UBR4: variants seen among roughly 807,000 people sequenced by gnomAD.
The protein encoded by UBR4 is ubiquitin protein ligase E3 component n-recognin 4, also known as E3 ubiquitin-protein ligase UBR4.
UBR4 carries 124 observed loss-of-function variants against 575.6 expected under a neutral mutation model. The observed-to-expected ratio is 0.22, with a 90% CI of 0.19 to 0.25. The LOEUF (loss-of-function observed/expected upper bound fraction) is 0.25. UBR4 is among the 10% of genes least tolerant of loss of function. The pLI is 1.00. For missense variants in UBR4, 4,818 were observed against 6,478.8 expected (o/e 0.74, Z 8.80); for synonymous variants, 2,455 against 2,473.7 (o/e 0.99, Z 0.22).
chr1:19,086,015 A>G, intron 101 of UBR4, 130 bp downstream of exon 101: 2 of 1,376,722 alleles, frequency 1.5e-6, no homozygotes, highest in Non-Finnish European at 1.9e-6. Context: ...CCAGTCAGCA[A>G]GCAGACAGAC....
At chr1:19,156,480 T>C in intron 41 of UBR4, 57 bp from the exon 42 acceptor site, 1 of 1,582,904 alleles carries the variant, frequency 6.3e-7, no homozygotes. Context: ...GTGGGCTAAT[T>C]CATTTCAGAG....
Position 19,074,861 on chromosome 1 carries a change from G to A in UBR4, c.15523C>T (p.Leu5175=). The A allele has an allele frequency of 6.2e-7, 1 of 1,614,128 alleles. No individual in the cohort carries two copies. Residue 5175 remains leucine (L), a synonymous_variant, in exon 106 of 106, where the codon CTG becomes TTG. Coordinates refer to ENST00000375254, the MANE Select transcript of UBR4 (RefSeq NM_020765.3). The stretch of plus-strand genomic sequence containing the variant: ...GGGACTGAGTTCAACAGGTCCTTCA[G>A]GAAGCTCTCTGGATCGGTGATTTCT... ...LSEITDPESF[L]KDLLNSVP
Position 19,164,938 on chromosome 1 carries a change from A to T in UBR4, c.4372T>A (p.Cys1458Ser). 15 of 1,614,212 alleles carry T rather than the reference A, an allele frequency of 9.3e-6. No homozygotes were observed. The highest frequency in any genetic ancestry group is 1.1e-5 in the Non-Finnish European group (13 of 1,180,030). The part of the protein sequence containing the change: ...HLCGSLAQLA[C>S]VEPVRLQAWL... ...GCCTGCAGGCGCACAGGTTCCACAC[A>T]GGCCAGTTGTGCCAGGGAGCCACAG... is the stretch of plus-strand genomic sequence containing the variant. The change falls in exon 32 of 106, where the codon TGT becomes AGT. Residue 1458 changes from cysteine to serine, a missense_variant. Physicochemically the swap from Cys to Ser is moderately radical, Grantham distance 112. Coordinates refer to ENST00000375254, the MANE Select transcript of UBR4 (RefSeq NM_020765.3).
chr1:19,086,005 C>T, intron 101 of UBR4, 140 bp downstream of exon 101: 3 of 1,326,162 alleles, frequency 2.3e-6, no homozygotes, highest in Middle Eastern at 2.0e-4. Context: ...GGACAGCTCC[C>T]CAGTCAGCAA....
In UBR4 at chr1:19,104,549, A is replaced by C. The variant is rs767339890; in HGVS notation, c.12727+36T>G. On this transcript the variant is annotated intron_variant, in intron 86 of 105. Coordinates refer to ENST00000375254, the MANE Select transcript of UBR4 (RefSeq NM_020765.3). ...CTAAGGGTTGTCCCTAAACAGATTC[A>C]GGATGCCCTAAAGGAAGGTCCAGGT... The C allele has an allele frequency of 5.0e-6, 8 of 1,609,106 alleles. No homozygotes were observed. The South Asian group carries it at 8.8e-5, about 18-fold the overall frequency.
At chr1:19,173,770 C>T in intron 22 of UBR4, 149 bp from the exon 23 acceptor site, 4 of 744,076 alleles carry the variant, frequency 5.4e-6, no homozygotes, top group South Asian at 1.9e-5. Context: ...GTCCATTCTC[C>T]AGATCTTTCT....
rs1218562800 is a variant in UBR4 at position 19,099,677 on chromosome 1, G to C, written c.13222C>G (p.Leu4408Val). The C allele has an allele frequency of 6.2e-7, 1 of 1,611,640 alleles. No individual in the cohort carries two copies. Among genetic ancestry groups the C allele is most frequent in the Non-Finnish European group, 8.5e-7 (1 of 1,179,048 alleles). ...CTAATGATTTTATTGTTCACTAGAA[G>C]CTGAACAGAAAAGCAGGTGAAGCTG... ...ALLEDDSGME[L>V]LVNNKIISLD... Residue 4408 changes from leucine (L) to valine (V), a missense_variant and splice_region_variant, in exon 90 of 106, where the codon CTT becomes GTT. Physicochemically the swap from Leu to Val is conservative, Grantham distance 32. Around this residue, in one of 29 missense-constraint regions of UBR4, gnomAD observed 0 missense variants for 19.8 expected, o/e 0.00. Transcript: ENST00000375254.
chr1:19,170,983 C>G, intron 25 of UBR4, 100 bp from the exon 26 acceptor site: 1 of 1,532,710 alleles, frequency 6.5e-7, no homozygotes, highest in Non-Finnish European at 8.9e-7. Context: ...ATCTCAGTTT[C>G]CTATCTATTT....
rs201436464 is a variant in UBR4 at position 19,148,571 on chromosome 1, T to A, written c.7486A>T (p.Ile2496Phe). The A allele has an allele frequency of 6.2e-7, 1 of 1,614,130 alleles. No homozygotes were observed. The highest frequency in any genetic ancestry group is 8.5e-7 in the Non-Finnish European group (1 of 1,180,032). Reference sequence around the variant, plus strand: ...TTGAAAAAGTGACTTGCCTTCTCGATGATTGGGCCAACGGCAAAGCAGCTT... The same window carrying A: ...TTGAAAAAGTGACTTGCCTTCTCGAAGATTGGGCCAACGGCAAAGCAGCTT... ...LESCFAVGPI[I>F]EKERNKNAAQ... The change falls in exon 50 of 106, where the codon ATC becomes TTC. Residue 2496 changes from isoleucine to phenylalanine, a missense_variant. Ile to Phe is a conservative substitution (Grantham distance 21). Around this residue, in one of 29 missense-constraint regions of UBR4, gnomAD observed 340 missense variants for 375.4 expected, o/e 0.91. Coordinates refer to ENST00000375254, the MANE Select transcript of UBR4 (RefSeq NM_020765.3).
Position 19,093,797 on chromosome 1 carries a change from A to T in UBR4, c.13937+152T>A. 1.1e-6 allele frequency: 1 copy of T among 904,040 alleles called. No homozygotes were observed. Among genetic ancestry groups the T allele is most frequent in the South Asian group, 1.8e-5 (1 of 55,194 alleles). 56.0% of individuals were successfully genotyped at this position (904,040 alleles called of 1,614,324 possible). ...TACTCTAATACAGTATATTTTAACT[A>T]TTCACTTCCCAACTAGACTGAGCTC... On this transcript the variant is annotated intron_variant, in intron 95 of 105. Coordinates refer to ENST00000375254, the MANE Select transcript of UBR4 (RefSeq NM_020765.3). This position sits in a 1 kb window ranked among gnomAD's most constrained non-coding sequence, Gnocchi z 4.8.
At chr1:19,123,384 G>A (rs1314401886) in intron 65 of UBR4, among the ~76,000 whole-genome samples, 1 of 151,242 alleles carries the variant, frequency 6.6e-6, no homozygotes, top group African/African-American at 2.4e-5. Flanking sequence ...CCAGAGGGCG[G>A]AGGTTGCAGT....
In UBR4 at chr1:19,210,113, T is replaced by C; in HGVS notation, c.136A>G (p.Met46Val). 3.2e-6 allele frequency: 5 copies of C among 1,584,814 alleles called. No individual in the cohort carries two copies. Among genetic ancestry groups the C allele is most frequent in the Non-Finnish European group, 4.3e-6 (5 of 1,168,328 alleles). Residue 46 changes from methionine to valine, a missense_variant, in exon 1 of 106, where the codon ATG (methionine) becomes GTG (valine). Met to Val is a conservative substitution (Grantham distance 21). Coordinates refer to ENST00000375254, the MANE Select transcript of UBR4 (RefSeq NM_020765.3). ...LLSASYSAFE[M>V]KELPQLVASV... ...GCCACCAGCTGCGGCAACTCCTTCA[T>C]CTCGAAGGCGGAGTAGGACGCGGAC...
chr1:19,174,013 A>G (rs1394578496), intron 22 of UBR4, among the ~76,000 whole-genome samples: 2 of 152,236 alleles, frequency 1.3e-5, no homozygotes, highest in Non-Finnish European at 2.9e-5. Flanking sequence ...GAGCCATGGA[A>G]AAATCTCAAG....
intron 35 of UBR4, among the ~76,000 whole-genome samples, 156 bp downstream of exon 35, chr1:19,162,264 C>G (rs965965752): frequency 4.6e-5 from 7 of 152,220 alleles, no homozygotes; most frequent in African/African-American, 1.7e-4. Context: ...GATCCCCATG[C>G]CTTGCTCTGA....
In UBR4 at chr1:19,114,884, C is replaced by A; in HGVS notation, c.11129G>T (p.Arg3710Leu). 1.2e-6 allele frequency: 2 copies of A among 1,614,186 alleles called. No individual in the cohort carries two copies. The highest frequency in any genetic ancestry group is 1.7e-6 in the Non-Finnish European group (2 of 1,180,046). Residue 3710 changes from arginine to leucine, a missense_variant, in exon 75 of 106, where the codon CGC becomes CTC. Arg to Leu is a moderately radical substitution (Grantham distance 102). Transcript: ENST00000375254. Reference protein sequence around the residue: ...CNACGFCKYARFDFMLYAKPC... With the variant: ...CNACGFCKYALFDFMLYAKPC... ...CTTGGCATAGAGCATGAAGTCGAAG[C>A]GGGCATATTTACAGAAGCCACAGGC...
In UBR4 at chr1:19,093,332, G is replaced by A; in HGVS notation, c.14092C>T (p.His4698Tyr). 1 of 1,613,914 alleles carries A rather than the reference G, an allele frequency of 6.2e-7. No homozygotes were observed. Among genetic ancestry groups the A allele is most frequent in the African/African-American group, 1.3e-5 (1 of 75,052 alleles). The stretch of plus-strand genomic sequence containing the variant: ...TCATACTTCTTGGCGCTAGGGATGT[G>A]CTTTTTCATGTAGTCAAGTGCATTC... ...TQNALDYMKK[H>Y]IPSAKNLDAD... The change falls in exon 96 of 106, where the codon CAC becomes TAC. Residue 4698 changes from histidine (H) to tyrosine (Y), a missense_variant. By Grantham distance (83) the His-to-Tyr change is moderately conservative. Around this residue, in one of 29 missense-constraint regions of UBR4, gnomAD observed 39 missense variants for 37.5 expected, o/e 1.04. Coordinates refer to ENST00000375254, the MANE Select transcript of UBR4 (RefSeq NM_020765.3). The surrounding 1 kb of genome is among the most constrained non-coding windows in gnomAD (Gnocchi z 4.8).
chr1:19,173,041 A>G lies in UBR4; in HGVS notation c.3344T>C (p.Ile1115Thr), dbSNP rs1364112731. The G allele has an allele frequency of 1.9e-6, 3 of 1,613,942 alleles. No homozygotes were observed. Among genetic ancestry groups the G allele is most frequent in the African/African-American group, 1.3e-5 (1 of 74,946 alleles). Reference sequence around the variant, plus strand: ...GGTGTAGATGGACTGCAGACTGGGAATTTCATGCAGCTGCAAGATGGTGGT... The same window carrying G: ...GGTGTAGATGGACTGCAGACTGGGAGTTTCATGCAGCTGCAAGATGGTGGT... ...DCTTILQLHEIPSLQSIYTLD... is the reference protein window; with the variant it reads ...DCTTILQLHETPSLQSIYTLD... Residue 1115 changes from isoleucine to threonine, a missense_variant, in exon 25 of 106, where the codon ATT becomes ACT. By Grantham distance (89) the Ile-to-Thr change is moderately conservative. Transcript: ENST00000375254.
rs762791068 is a variant in UBR4 at position 19,185,141 on chromosome 1, A to G, written c.1896T>C (p.Gly632=). 54 of 1,613,932 alleles carry G rather than the reference A, an allele frequency of 3.3e-5. No homozygotes were observed. Among genetic ancestry groups the G allele is most frequent in the Non-Finnish European group, 4.6e-5 (54 of 1,180,022 alleles). ...GACTCGCCAGAATGTTGCCCTTCTCACCAGGGGCCTGCTTACTGGGGCTTT... is the reference window on the plus strand; with the variant it reads ...GACTCGCCAGAATGTTGCCCTTCTCGCCAGGGGCCTGCTTACTGGGGCTTT... ...RVKSPSKQAP[G]EKGNILASRK... The change falls in exon 15 of 106, where the codon GGT becomes GGC. Residue 632 remains glycine (G), a synonymous_variant. Coordinates refer to ENST00000375254, the MANE Select transcript of UBR4 (RefSeq NM_020765.3).
In UBR4 at chr1:19,093,568, A is replaced by C; in HGVS notation, c.13938-82T>G. 5.4e-6 allele frequency: 8 copies of C among 1,468,358 alleles called. No individual in the cohort carries two copies. The allele number at this position is 1,468,358 out of a possible 1,614,324, so 91.0% of individuals were successfully genotyped here. On this transcript the variant is annotated intron_variant, in intron 95 of 105. Transcript: ENST00000375254. This position sits in a 1 kb window ranked among gnomAD's most constrained non-coding sequence, Gnocchi z 4.8. The stretch of plus-strand genomic sequence containing the variant: ...TCACCCTCTTGGTTAACAACTGTCA[A>C]CAGCCTATAGAAGATCAAGGCTAAA...
Sources: allele counts gnomAD v4.1 joint callset (sites outside exome capture counted in the v4.1 genomes callset), GRCh38; gene constraint gnomAD v4.1.1; regional missense constraint gnomAD v4.1.1; non-coding constraint Gnocchi (gnomAD v3.1); transcripts MANE v1.5; gene names NCBI Gene and HGNC (gene_info 2026-07-23, HGNC 2026-07-21).